The following CDK14 variants were observed in gnomAD, a reference collection of about 807,000 sequenced individuals.
CDK14 encodes the protein cyclin dependent kinase 14, also known as cyclin-dependent kinase 14.
CDK14 carries 34 observed loss-of-function variants against 60.7 expected under a neutral mutation model. That is an observed-to-expected ratio of 0.56 (90% CI 0.43 to 0.75). The LOEUF (loss-of-function observed/expected upper bound fraction) is 0.75. Ranked by LOEUF, CDK14 falls within the 30% of genes least tolerant of loss-of-function variation. The probability of loss-of-function intolerance (pLI) is 0.00; values close to 1 mark genes in which losing one functional copy is unlikely to be tolerated. For synonymous variants in CDK14, 197 were observed against 203.7 expected (o/e 0.97, Z 0.28); for missense variants, 482 against 564.1 (o/e 0.85, Z 1.47).
intron 7 of CDK14, among the ~76,000 whole-genome samples, chr7:90,903,512 G>A (rs1380283507): frequency 6.6e-6 from 1 of 152,106 alleles, no homozygotes; most frequent in Non-Finnish European, 1.5e-5. Flanking sequence ...AGCTAAAAAA[G>A]TTGATCTCAT....
chr7:90,978,156 A>G (rs1420433889), intron 9 of CDK14, among the ~76,000 whole-genome samples: 4 of 152,160 alleles, frequency 2.6e-5, no homozygotes, highest in African/African-American at 9.7e-5. Flanking sequence ...GGGATGGGAA[A>G]GAGTGTGGCA....
intron 2 of CDK14, among the ~76,000 whole-genome samples, chr7:90,609,212 A>G (rs976708100): frequency 6.6e-6 from 1 of 152,068 alleles, no homozygotes; most frequent in Non-Finnish European, 1.5e-5. Context: ...TTTTGTAGAG[A>G]TGGAGTCTCA....
At chr7:90,936,747 A>T (rs958478875) in intron 8 of CDK14, among the ~76,000 whole-genome samples, 2 of 152,176 alleles carry the variant, frequency 1.3e-5, no homozygotes, top group Admixed American at 6.5e-5. Context: ...ACTTCCTGGT[A>T]CACGAATGCA....
intron 11 of CDK14, among the ~76,000 whole-genome samples, chr7:91,046,762 G>A (rs1484901490): frequency 6.6e-6 from 1 of 151,692 alleles, no homozygotes; most frequent in African/African-American, 2.4e-5. Context: ...TTACTGAAAG[G>A]GATTTTATAG....
At chr7:91,045,775 C>T (rs916890045) in intron 10 of CDK14, 122 bp from the exon 11 acceptor site, 28 of 619,106 alleles carry the variant, frequency 4.5e-5, no homozygotes, top group Middle Eastern at 2.8e-4. Context: ...CTCTGGCATA[C>T]GATAATGGAA....
At chr7:90,914,791 T>C (rs771885370) in intron 7 of CDK14, among the ~76,000 whole-genome samples, 5 of 152,234 alleles carry the variant, frequency 3.3e-5, no homozygotes, top group Non-Finnish European at 5.9e-5. Context: ...TTTACCTATG[T>C]CTGCCCTTAG....
At chr7:91,202,441 CTG>C (rs1371233686) in intron 14 of CDK14, among the ~76,000 whole-genome samples, 1 of 152,160 alleles carries the variant, frequency 6.6e-6, no homozygotes, top group Non-Finnish European at 1.5e-5. Context: ...TTCATGTACA[CTG>C]TTCATTTGTG....
chr7:90,809,850 A>C (rs1421536150), intron 5 of CDK14, among the ~76,000 whole-genome samples: 1 of 152,218 alleles, frequency 6.6e-6, no homozygotes, highest in East Asian at 1.9e-4. Flanking sequence ...ACCTCTATGC[A>C]AATAAACTAG....
intron 2 of CDK14, among the ~76,000 whole-genome samples, chr7:90,668,696 A>G (rs1195417846): frequency 1.5e-5 from 1 of 68,434 alleles, no homozygotes; most frequent in Admixed American, 2.1e-4. Flanking sequence ...AAGGACTCGC[A>G]TTCTTTTTTT....
intron 2 of CDK14, among the ~76,000 whole-genome samples, chr7:90,715,801 G>A (rs777051577): frequency 1.3e-5 from 2 of 151,660 alleles, no homozygotes; most frequent in Admixed American, 6.6e-5. Context: ...CCCCAGTGCA[G>A]CTATGGGAAT....
At chr7:90,875,509 A>G (rs1346003281) in intron 6 of CDK14, among the ~76,000 whole-genome samples, 1 of 151,970 alleles carries the variant, frequency 6.6e-6, no homozygotes, top group Non-Finnish European at 1.5e-5. Flanking sequence ...TACACTTGGC[A>G]ACACTTGTTA....
chr7:90,750,599 G>A (rs768842030), intron 4 of CDK14, among the ~76,000 whole-genome samples: 2 of 152,192 alleles, frequency 1.3e-5, no homozygotes, highest in Non-Finnish European at 2.9e-5. Flanking sequence ...GAGGCCGGAC[G>A]TGGTGGCTCA....
At chr7:90,751,885 A>G (rs1803861646) in intron 4 of CDK14, among the ~76,000 whole-genome samples, 1 of 152,214 alleles carries the variant, frequency 6.6e-6, no homozygotes, top group Admixed American at 6.5e-5. Flanking sequence ...CTATTTTTAT[A>G]TCAGATAAAA....
intron 3 of CDK14, among the ~76,000 whole-genome samples, chr7:90,739,233 A>AT (rs1242224044): frequency 1.3e-5 from 2 of 152,172 alleles, no homozygotes; most frequent in Non-Finnish European, 2.9e-5. Context: ...GATAATATTG[A>AT]TTTTTTTACC....
chr7:91,153,803 C>T (rs988367125), intron 14 of CDK14, among the ~76,000 whole-genome samples: 10 of 152,074 alleles, frequency 6.6e-5, no homozygotes, highest in Non-Finnish European at 1.0e-4. Context: ...ACCTGGGTAA[C>T]GAAATAATCT....
chr7:90,888,171 G>T (rs1414088231), intron 6 of CDK14, among the ~76,000 whole-genome samples: 3 of 152,076 alleles, frequency 2.0e-5, no homozygotes, highest in African/African-American at 7.2e-5. Flanking sequence ...CCAGCATGGT[G>T]AACCCCCCTC....
intron 2 of CDK14, among the ~76,000 whole-genome samples, chr7:90,612,956 G>A (rs867178516): frequency 2.0e-5 from 3 of 152,006 alleles, no homozygotes; most frequent in African/African-American, 2.4e-5. Flanking sequence ...ATTTAAGATA[G>A]CTGAAAAAGA....
At chr7:90,746,035 A>C (rs73218862) in intron 3 of CDK14, among the ~76,000 whole-genome samples, 23,678 of 152,108 alleles carry the variant, frequency 0.16, 1,959 homozygotes, top group Middle Eastern at 0.25. Context: ...ATGCCTCCAC[A>C]GCTTGCTTGG....
chr7:91,045,962 T>A lies in CDK14; in HGVS notation c.1105+2T>A. ...ATTCTTTACCACATTTTAAGCCAGGTATGTTTCATTAATTACAGATGACTA... is the reference window on the plus strand; with the variant it reads ...ATTCTTTACCACATTTTAAGCCAGGAATGTTTCATTAATTACAGATGACTA... On this transcript the variant is annotated splice_donor_variant, in intron 11 of 14. Coordinates refer to ENST00000380050, the MANE Select transcript of CDK14 (RefSeq NM_001287135.2). LOFTEE classifies it high-confidence loss of function. The A allele has an allele frequency of 3.8e-6, 6 of 1,591,328 alleles. No individual in the cohort carries two copies. The highest frequency in any genetic ancestry group is 5.2e-6 in the Non-Finnish European group (6 of 1,159,352).
Sources: gnomAD v4.1 joint callset for allele counts (sites outside exome capture counted in the v4.1 genomes callset) on GRCh38, gnomAD v4.1.1 for gene constraint, MANE v1.5 for transcripts, NCBI Gene and HGNC (gene_info 2026-07-23, HGNC 2026-07-21) for gene names.